Variants in BIN1 observed in about 807,000 individuals in gnomAD.
BIN1 encodes bridging integrator 1.
A neutral mutation model predicts 82.0 loss-of-function variants in BIN1; 53 were observed. That is an observed-to-expected ratio of 0.65 (90% CI 0.52 to 0.81). BIN1 has a LOEUF of 0.81. Ranked by LOEUF, BIN1 falls within the 40% of genes least tolerant of loss-of-function variation. BIN1 has a pLI of 0.00. For missense variants in BIN1, 642 were observed against 784.4 expected, an observed-to-expected ratio of 0.82 and a Z score of 2.17; for synonymous variants, 302 against 328.0, an observed-to-expected ratio of 0.92 and a Z score of 0.86.
At position 127,048,500 on chromosome 2, in the gene BIN1, G is replaced by C; in HGVS notation, c.*26C>G. The C allele has an allele frequency of 6.2e-7, 1 of 1,605,014 alleles. No individual in the cohort carries two copies. The highest frequency in any genetic ancestry group is 1.3e-5 in the African/African-American group (1 of 74,820). ...TTTCGGGAGGAGGTGTTCTTCACAC[G>C]CCCGGAGGCTGCCTGGGCCCCGCCG... On this transcript the variant is annotated 3_prime_UTR_variant, in exon 19 of 19. Coordinates refer to ENST00000316724, the MANE Select transcript of BIN1 (RefSeq NM_139343.3).
At chr2:127,070,843 T>C (rs1468400449) in intron 2 of BIN1, 27 bp from the exon 3 acceptor site, 4 of 1,605,044 alleles carry the variant, frequency 2.5e-6, no homozygotes, top group Non-Finnish European at 3.4e-6. Flanking sequence ...AAGGACCAGG[T>C]CAGGGACTGG....
In BIN1 at chr2:127,067,675, A is replaced by G. The variant is rs1049615637; in HGVS notation, c.612+488T>C. 2.0e-5 allele frequency among the ~76,000 whole-genome samples: 3 copies of G among 152,200 alleles called. No individual in the cohort carries two copies. Among genetic ancestry groups the G allele is most frequent in the African/African-American group, 7.2e-5 (3 of 41,456 alleles). ...CAGGGGCTTCAGTCAGGAGAGCCCC[A>G]ACCCTGCCCCTAACCGGCTCTGGGG... is the stretch of plus-strand genomic sequence containing the variant. On this transcript the variant is annotated intron_variant, in intron 7 of 18. Transcript: ENST00000316724. This position sits in a 1 kb window ranked among gnomAD's most constrained non-coding sequence, Gnocchi z 4.7.
In BIN1 at chr2:127,059,118, G is replaced by T; in HGVS notation, c.895C>A (p.Pro299Thr). 2 of 1,593,620 alleles carry T rather than the reference G, an allele frequency of 1.3e-6. No individual in the cohort carries two copies. Among genetic ancestry groups the T allele is most frequent in the Non-Finnish European group, 1.7e-6 (2 of 1,170,924 alleles). ...GTGGCGGCAGGGGAGCCATCTGGAGGCGAAGGGCTCTTGTTCCCTTTTGCA... is the reference window on the plus strand; with the variant it reads ...GTGGCGGCAGGGGAGCCATCTGGAGTCGAAGGGCTCTTGTTCCCTTTTGCA... Reference protein sequence around the residue: ...APAKGNKSPSPPDGSPAATPE... With the variant: ...APAKGNKSPSTPDGSPAATPE... The change falls in exon 11 of 19, where the codon CCT becomes ACT. Residue 299 changes from proline (P) to threonine (T), a missense_variant. Transcript: ENST00000316724. The surrounding 1 kb of genome is among the most constrained non-coding windows in gnomAD (Gnocchi z 6.7).
intron 1 of BIN1, among the ~76,000 whole-genome samples, chr2:127,081,216 A>T (rs1190956726): frequency 6.6e-6 from 1 of 152,228 alleles, no homozygotes; most frequent in East Asian, 1.9e-4. Flanking sequence ...TGTTTGAGCC[A>T]GGAGCAGCTC....
At chr2:127,074,986 C>G (rs1686405707) in intron 2 of BIN1, among the ~76,000 whole-genome samples, 1 of 152,206 alleles carries the variant, frequency 6.6e-6, no homozygotes, top group Non-Finnish European at 1.5e-5. Context: ...CAGGCGTGAG[C>G]TACAGTGCCC....
Position 127,063,601 on chromosome 2 carries a change from CA to C in BIN1, c.743del (p.Leu248ArgfsTer9). On this transcript the variant is annotated frameshift_variant, in exon 9 of 19. Coordinates refer to ENST00000316724, the MANE Select transcript of BIN1 (RefSeq NM_139343.3). LOFTEE classifies it high-confidence loss of function. ...TCATCTCCTTGTGGAAGTTTTCCTC[CA>C]GGCCCGCGATGCTCTGGAACGTGTT... ...YVNTFQSIAGLEENFHKEMSK... is the reference protein window; with the variant it reads ...YVNTFQSIAGXEENFHKEMSK... 1 of 1,614,032 alleles carries C rather than the reference CA, an allele frequency of 6.2e-7. No homozygotes were observed. The highest frequency in any genetic ancestry group is 8.5e-7 in the Non-Finnish European group (1 of 1,179,978).
intron 1 of BIN1, among the ~76,000 whole-genome samples, chr2:127,098,131 T>A (rs990151180): frequency 6.6e-6 from 1 of 152,206 alleles, no homozygotes; most frequent in Non-Finnish European, 1.5e-5. Context: ...CATCGCTGCC[T>A]CTACCCAGGT....
Position 127,076,708 on chromosome 2 carries a change from T to C in BIN1, c.85-2A>G. 1 of 1,614,114 alleles carries C rather than the reference T, an allele frequency of 6.2e-7. No individual in the cohort carries two copies. The highest frequency in any genetic ancestry group is 8.5e-7 in the Non-Finnish European group (1 of 1,180,030). On this transcript the variant is annotated splice_acceptor_variant, in intron 1 of 18. Transcript: ENST00000316724. LOFTEE classifies it high-confidence loss of function. ...TGCCTTCCCCAGCTTCTGGAGAACC[T>C]GCCGAAGCCAAGAGAGAAGGGGAGA...
At chr2:127,054,310 G>A in intron 12 of BIN1, 1 of 438,330 alleles carries the variant, frequency 2.3e-6, no homozygotes, top group Admixed American at 3.6e-5. Context: ...TCCGCCCGTG[G>A]CCGCCACCCC....
chr2:127,050,262 A>C (rs1682727222), intron 18 of BIN1, 159 bp downstream of exon 18: 1 of 716,766 alleles, frequency 1.4e-6, no homozygotes, highest in Non-Finnish European at 2.5e-6. Context: ...GAGAGGAAAA[A>C]GCCCGACGTG....
chr2:127,078,938 C>A (rs1686965428), intron 1 of BIN1, among the ~76,000 whole-genome samples: 1 of 151,826 alleles, frequency 6.6e-6, no homozygotes, highest in African/African-American at 2.4e-5. Context: ...CCAGAGAGAG[C>A]CAGAAGCTCT....
chr2:127,089,520 G>T (rs374655175), intron 1 of BIN1, among the ~76,000 whole-genome samples: 1 of 152,152 alleles, frequency 6.6e-6, no homozygotes, highest in African/African-American at 2.4e-5. Context: ...ACAGCTGGGG[G>T]TCACAGTGAG....
chr2:127,053,178 C>A, intron 14 of BIN1: 1 of 601,092 alleles, frequency 1.7e-6, no homozygotes, highest in Non-Finnish European at 3.0e-6. Flanking sequence ...TCTCAGGGGA[C>A]CCCTGTCTCA....
rs765536865 is a variant in BIN1 at position 127,057,447 on chromosome 2, G to T, written c.1131+26C>A. On this transcript the variant is annotated intron_variant, in intron 12 of 18. Coordinates refer to ENST00000316724, the MANE Select transcript of BIN1 (RefSeq NM_139343.3). This position sits in a 1 kb window ranked among gnomAD's most constrained non-coding sequence, Gnocchi z 5.0. ...CCTGAGAGGGCAGGAAGAGAGGAGA[G>T]CTGGGCCGCGGCGGCCGCGGCTGAC... 5.8e-6 allele frequency: 9 copies of T among 1,539,712 alleles called. No homozygotes were observed. The South Asian group carries it at 9.7e-5, about 17-fold the overall frequency.
intron 9 of BIN1, 60 bp downstream of exon 9, chr2:127,063,511 C>CT (rs1464189639): frequency 2.0e-5 from 31 of 1,560,852 alleles, no homozygotes; most frequent in Non-Finnish European, 2.5e-5. Flanking sequence ...TCCCACGACT[C>CT]TGACTCTGAC....
chr2:127,063,794 C>T, intron 8 of BIN1, 139 bp downstream of exon 8: 1 of 1,406,258 alleles, frequency 7.1e-7, no homozygotes, highest in Non-Finnish European at 1.0e-6. Flanking sequence ...CTGGACACTG[C>T]AGCACACAGG....
intron 1 of BIN1, among the ~76,000 whole-genome samples, chr2:127,080,164 T>C (rs557241070): frequency 2.7e-4 from 41 of 152,270 alleles, no homozygotes; most frequent in Non-Finnish European, 4.6e-4. Context: ...AAGGAGCTCC[T>C]GGTGTGGCTA....
At chr2:127,049,587 A>T (rs913099607) in intron 18 of BIN1, among the ~76,000 whole-genome samples, 6 of 152,176 alleles carry the variant, frequency 3.9e-5, no homozygotes, top group African/African-American at 7.2e-5. Context: ...TGTTCTCTGG[A>T]AGCAGGAAGA....
intron 1 of BIN1, among the ~76,000 whole-genome samples, chr2:127,094,401 C>G (rs1219265470): frequency 6.6e-6 from 1 of 152,196 alleles, no homozygotes; most frequent in Non-Finnish European, 1.5e-5. Flanking sequence ...GTCTAGCCTC[C>G]CCCTTCAGGA....
Sources: gnomAD v4.1 joint callset for allele counts (sites outside exome capture counted in the v4.1 genomes callset) on GRCh38, gnomAD v4.1.1 for gene constraint, Gnocchi (gnomAD v3.1) non-coding constraint, MANE v1.5 for transcripts, NCBI Gene and HGNC (gene_info 2026-07-23, HGNC 2026-07-21) for gene names.